HACE1: variants seen among roughly 807,000 people sequenced by gnomAD.
The protein encoded by HACE1 is E3 ubiquitin-protein ligase HACE1.
A neutral mutation model predicts 118.4 loss-of-function variants in HACE1; 73 were observed. The observed-to-expected ratio is 0.62, with a 90% CI of 0.51 to 0.75. HACE1 has a LOEUF of 0.75. HACE1 is among the 30% of genes least tolerant of loss of function. HACE1 has a pLI of 0.00. For missense variants in HACE1, 749 were observed against 1,102.2 expected (o/e 0.68, Z 4.54); for synonymous variants, 368 against 374.8 (o/e 0.98, Z 0.21).
chr6:104,842,568 C>T (rs1221297912), intron 5 of HACE1, among the ~76,000 whole-genome samples: 1 of 151,682 alleles, frequency 6.6e-6, no homozygotes, highest in Admixed American at 6.6e-5. Flanking sequence ...CTACAATGAA[C>T]ATATTAAAAG....
chr6:104,744,467 A>T, intron 21 of HACE1, 45 bp downstream of exon 21: 1 of 1,101,924 alleles, frequency 9.1e-7, no homozygotes, highest in Non-Finnish European at 1.4e-6. Context: ...TTACAAAATT[A>T]AACGGCAAAA....
rs1314668404 is a variant in HACE1 at position 104,784,154 on chromosome 6, CAAATAT to C, written c.1492_1497del (p.Ile498_Phe499del). On this transcript the variant is annotated inframe_deletion, in exon 14 of 24. Coordinates refer to ENST00000262903, the MANE Select transcript of HACE1 (RefSeq NM_020771.4). ...CATTCAAGGAGAAAGTGAAAGTGGT[CAAATAT>C]AATTTTGGGATTTCTAAAAGAAAAA... 6.3e-7 allele frequency: 1 copy of C among 1,590,264 alleles called. No homozygotes were observed.
intron 17 of HACE1, among the ~76,000 whole-genome samples, chr6:104,773,822 C>G (rs1582401231): frequency 1.3e-5 from 2 of 148,592 alleles, no homozygotes; most frequent in African/African-American, 4.9e-5. Flanking sequence ...AAAGGAGTAA[C>G]AGTTTTTAAC....
intron 5 of HACE1, 38 bp from the exon 6 acceptor site, chr6:104,833,211 G>A: frequency 2.5e-6 from 4 of 1,589,296 alleles, no homozygotes; most frequent in Non-Finnish European, 3.5e-6. Flanking sequence ...TTGTGTAATA[G>A]TGTTTTATAT....
intron 6 of HACE1, among the ~76,000 whole-genome samples, chr6:104,821,610 G>T (rs12525364): frequency 0.17 from 26,504 of 152,064 alleles, 2,504 homozygotes; most frequent in African/African-American, 0.25. Flanking sequence ...TTCGAGGAAG[G>T]TGATATTCTC....
At chr6:104,781,574 T>G (rs777536040) in intron 14 of HACE1, among the ~76,000 whole-genome samples, 7 of 152,166 alleles carry the variant, frequency 4.6e-5, no homozygotes, top group Admixed American at 6.5e-5. Context: ...TTGTAACTCC[T>G]TTCTCCAACA....
At chr6:104,747,129 A>AT (rs1401443983) in intron 20 of HACE1, among the ~76,000 whole-genome samples, 1 of 152,140 alleles carries the variant, frequency 6.6e-6, no homozygotes, top group Non-Finnish European at 1.5e-5. Context: ...GCCCCAATCA[A>AT]TTTTTTTAAT....
chr6:104,822,091 G>A (rs967685602), intron 6 of HACE1, among the ~76,000 whole-genome samples: 10 of 151,316 alleles, frequency 6.6e-5, no homozygotes, highest in East Asian at 1.9e-4. Flanking sequence ...GGCGTGGGCC[G>A]GGCGCGGTGG....
chr6:104,786,838 T>A (rs900824931), intron 11 of HACE1: 6 of 152,080 alleles, frequency 3.9e-5, no homozygotes, highest in Non-Finnish European at 8.8e-5. Flanking sequence ...AACTACACCA[T>A]GTGCTACAGA....
At chr6:104,824,059 G>A (rs1404173804) in intron 6 of HACE1, among the ~76,000 whole-genome samples, 1 of 152,194 alleles carries the variant, frequency 6.6e-6, no homozygotes, top group Non-Finnish European at 1.5e-5. Context: ...AGTGTTAGGC[G>A]AGGGGACAGA....
intron 6 of HACE1, among the ~76,000 whole-genome samples, chr6:104,814,711 G>A (rs555505761): frequency 7.3e-6 from 1 of 137,264 alleles, no homozygotes; most frequent in South Asian, 2.2e-4. Context: ...CTGGTGAGAG[G>A]TGACCAGAGC....
At chr6:104,745,966 A>G (rs73768804) in intron 20 of HACE1, among the ~76,000 whole-genome samples, 4,785 of 152,250 alleles carry the variant, frequency 0.031, 244 homozygotes, top group African/African-American at 0.11. Context: ...TTTCAACCAA[A>G]CAACATACCA....
intron 22 of HACE1, among the ~76,000 whole-genome samples, chr6:104,742,745 T>A (rs1270811825): frequency 2.0e-5 from 3 of 151,906 alleles, no homozygotes; most frequent in Non-Finnish European, 4.4e-5. Context: ...ATTGTGGAAG[T>A]CAGTGTGGCG....
chr6:104,803,806 A>C (rs915667644), intron 7 of HACE1, among the ~76,000 whole-genome samples: 2 of 152,218 alleles, frequency 1.3e-5, no homozygotes, highest in Non-Finnish European at 2.9e-5. Flanking sequence ...AACCGACACA[A>C]GAGAAGGATG....
chr6:104,852,240 C>CT (rs1466905616), intron 2 of HACE1, 77 bp downstream of exon 2: 49 of 807,396 alleles, frequency 6.1e-5, no homozygotes, highest in Non-Finnish European at 1.1e-4. Context: ...CGCGCGTGCG[C>CT]GTGCACGGGC....
In HACE1 at chr6:104,811,402, G is replaced by GA. The variant is rs762322391; in HGVS notation, c.535-10dup. 9.6e-6 allele frequency: 13 copies of GA among 1,351,744 alleles called. No individual in the cohort carries two copies. The highest frequency in any genetic ancestry group is 6.7e-5 in the Admixed American group (4 of 59,502). 83.7% of individuals were successfully genotyped at this position (1,351,744 alleles called of 1,614,324 possible). A position where few individuals can be genotyped will look rare whatever the true frequency, so the allele number is the denominator to read the frequency against. ...AGCAAGCACTGCACTGTCTGAGGGG[G>GA]AAAAAATAATTAAAAGTAAAGCCAG... On this transcript the variant is annotated splice_polypyrimidine_tract_variant and intron_variant, in intron 6 of 23. Coordinates refer to ENST00000262903, the MANE Select transcript of HACE1 (RefSeq NM_020771.4).
At position 104,784,245 on chromosome 6, in the gene HACE1, C is replaced by T. The variant is rs543887069; in HGVS notation, c.1479-72G>A. ...ATTAAGTGAAATGCAAATTCAGATA[C>T]ACTGACACTGAAACAGAAGAAAAAC... On this transcript the variant is annotated intron_variant, in intron 13 of 23. Coordinates refer to ENST00000262903, the MANE Select transcript of HACE1 (RefSeq NM_020771.4). 409 of 910,962 alleles carry T rather than the reference C, an allele frequency of 4.5e-4. 4 individuals carry two copies. The highest frequency in any genetic ancestry group is 1.0e-3 in the South Asian group (76 of 76,068). 56.4% of individuals were successfully genotyped at this position (910,962 alleles called of 1,614,324 possible). A position where few individuals can be genotyped will look rare whatever the true frequency, so the allele number is the denominator to read the frequency against.
chr6:104,732,261 G>A lies in HACE1; in HGVS notation c.2514-1845C>T, dbSNP rs957168469. The A allele has an allele frequency of 4.6e-5, 7 of 152,102 alleles. No homozygotes were observed. The South Asian group carries it at 8.3e-4, about 18-fold the overall frequency. 9.4% of individuals were successfully genotyped at this position (152,102 alleles called of 1,614,324 possible). ...AGCACGGACTCAAAGAAGTATCTGC[G>A]CATACAGCAGCATTATTCACAATAG... On this transcript the variant is annotated intron_variant, in intron 22 of 23. Coordinates refer to ENST00000262903, the MANE Select transcript of HACE1 (RefSeq NM_020771.4).
chr6:104,786,118 T>TC (rs1782363550), intron 11 of HACE1: 1 of 152,044 alleles, frequency 6.6e-6, no homozygotes, highest in Admixed American at 6.6e-5. Flanking sequence ...GTAGATCACT[T>TC]GAGGTCAGGA....
Sources: gnomAD v4.1 joint callset for allele counts (sites outside exome capture counted in the v4.1 genomes callset) on GRCh38, gnomAD v4.1.1 for gene constraint, MANE v1.5 for transcripts, NCBI Gene and HGNC (gene_info 2026-07-23, HGNC 2026-07-21) for gene names.